Variants in PDK1 observed in about 807,000 individuals in gnomAD.
PDK1 encodes pyruvate dehydrogenase kinase 1, also known as [Pyruvate dehydrogenase (acetyl-transferring)] kinase isozyme 1, mitochondrial.
Under a neutral mutation model 54.2 loss-of-function variants are expected in PDK1, and 39 were observed. The observed-to-expected ratio is 0.72, with a 90% CI of 0.56 to 0.94. The LOEUF is 0.94. Ranked by LOEUF, PDK1 falls within the 40% of genes least tolerant of loss-of-function variation. The pLI is 0.00. For missense variants in PDK1, 552 were observed against 566.0 expected, an observed-to-expected ratio of 0.98 and a Z score of 0.25; for synonymous variants, 221 against 207.1, an observed-to-expected ratio of 1.07 and a Z score of -0.58.
chr2:172,674,496 T>A, the PDK1 span: 1 of 152,390 alleles, frequency 6.6e-6, no homozygotes, highest in Admixed American at 6.5e-5. Context: ...GTACTGGGAG[T>A]CTGGGTTGAA....
rs565626995 is a variant in PDK1 at position 172,596,041 on chromosome 2, A to G, written c.*72A>G. 3.2e-6 allele frequency: 4 copies of G among 1,254,954 alleles called. No individual in the cohort carries two copies. Among genetic ancestry groups the G allele is most frequent in the East Asian group, 2.5e-5 (1 of 39,466 alleles). The allele number at this position is 1,254,954 out of a possible 1,614,324, so 77.7% of individuals were successfully genotyped here. ...TTTGGAAGGTATGGTGTTCAGAACT[A>G]TATTATACCAAGTACTTTATTTATC... is the stretch of plus-strand genomic sequence containing the variant. On this transcript the variant is annotated 3_prime_UTR_variant, in exon 11 of 11. Coordinates refer to ENST00000282077, the MANE Select transcript of PDK1 (RefSeq NM_002610.5).
the PDK1 span, among the ~76,000 whole-genome samples, chr2:172,717,814 G>A: frequency 2.0e-5 from 3 of 152,336 alleles, no homozygotes; most frequent in Admixed American, 2.0e-4. Context: ...AGCTATGTGA[G>A]GGGCTTTTTT....
At chr2:172,627,071 G>T in the PDK1 span, among the ~76,000 whole-genome samples, 1 of 152,182 alleles carries the variant, frequency 6.6e-6, no homozygotes, top group Non-Finnish European at 1.5e-5. Flanking sequence ...CACTGCCATA[G>T]GAATTTTGTC....
the PDK1 span, among the ~76,000 whole-genome samples, chr2:172,649,678 C>A: frequency 6.6e-6 from 1 of 152,100 alleles, no homozygotes; most frequent in African/African-American, 2.4e-5. Context: ...GGCATGAGAA[C>A]TACGTGACGC....
rs1690908704 is a variant in PDK1 at position 172,596,611 on chromosome 2, C to T, written c.*642C>T. 1 of 152,168 alleles carries T rather than the reference C, an allele frequency of 6.6e-6. No individual in the cohort carries two copies. Among genetic ancestry groups the T allele is most frequent in the South Asian group, 2.1e-4 (1 of 4,826 alleles). 9.4% of individuals were successfully genotyped at this position (152,168 alleles called of 1,614,324 possible). A position where few individuals can be genotyped will look rare whatever the true frequency, so the allele number is the denominator to read the frequency against. On this transcript the variant is annotated 3_prime_UTR_variant, in exon 11 of 11. Transcript: ENST00000282077. ...ATGCCAAAATCATGGGCCATCTTTT[C>T]TAAGTGTACTTCTGATTAATGCAAG...
chr2:172,609,650 A>G (rs1691401024), downstream of PDK1, among the ~76,000 whole-genome samples: 1 of 152,230 alleles, frequency 6.6e-6, no homozygotes, highest in Admixed American at 6.5e-5. Context: ...TAAAACGGAC[A>G]TGCGTGTTTC....
chr2:172,684,415 C>T, the PDK1 span, among the ~76,000 whole-genome samples: 1 of 151,860 alleles, frequency 6.6e-6, no homozygotes, highest in South Asian at 2.1e-4. Context: ...GAGTGAGACC[C>T]CATCTCAAAA....
downstream of PDK1, among the ~76,000 whole-genome samples, chr2:172,613,075 TTAGAAATGAA>T (rs1691513015): frequency 6.6e-6 from 1 of 152,124 alleles, no homozygotes. Context: ...ACGAAACAAT[TTAGAAATGAA>T]TTGTGGAGGA....
At chr2:172,689,010 A>G in the PDK1 span, among the ~76,000 whole-genome samples, 3 of 152,308 alleles carry the variant, frequency 2.0e-5, no homozygotes, top group South Asian at 6.2e-4. Context: ...TATTTTGAAG[A>G]GTGACAGAAC....
At chr2:172,617,934 CCT>C in the PDK1 span, among the ~76,000 whole-genome samples, 1 of 152,122 alleles carries the variant, frequency 6.6e-6, no homozygotes, top group Non-Finnish European at 1.5e-5. Flanking sequence ...TCGGCAATAA[CCT>C]ATTCCTTTAC....
At chr2:172,689,242 A>AT in the PDK1 span, among the ~76,000 whole-genome samples, 17 of 152,038 alleles carry the variant, frequency 1.1e-4, no homozygotes, top group Non-Finnish European at 1.8e-4. Context: ...CGATTGGTGC[A>AT]TTTTTACAGA....
chr2:172,648,082 A>C, the PDK1 span, among the ~76,000 whole-genome samples: 1 of 152,246 alleles, frequency 6.6e-6, no homozygotes, highest in Non-Finnish European at 1.5e-5. Flanking sequence ...CATGGATTGA[A>C]GAAGACTAAG....
At chr2:172,613,228 T>G (rs1691517396), downstream of PDK1, among the ~76,000 whole-genome samples, 1 of 152,194 alleles carries the variant, frequency 6.6e-6, no homozygotes, top group Non-Finnish European at 1.5e-5. Flanking sequence ...CTGGCCCTGC[T>G]CAGTCATTGG....
At chr2:172,654,551 A>G in the PDK1 span, among the ~76,000 whole-genome samples, 3 of 147,080 alleles carry the variant, frequency 2.0e-5, no homozygotes, top group Non-Finnish European at 4.5e-5. Context: ...ATAGGTGGGA[A>G]TTGAACAATG....
chr2:172,685,706 G>A, the PDK1 span, among the ~76,000 whole-genome samples: 27,971 of 152,098 alleles, frequency 0.18, 3,003 homozygotes, highest in African/African-American at 0.29. Context: ...AAATGCACCC[G>A]ATACATGTTG....
chr2:172,607,447 C>T lies in PDK1; in HGVS notation c.*11478C>T, dbSNP rs1691333587. Reference sequence around the variant, plus strand: ...AACCAGCCAAGGATGATGGCTTCAACATGTCTCCAGTTGTTTTGCCACTCC... The same window carrying T: ...AACCAGCCAAGGATGATGGCTTCAATATGTCTCCAGTTGTTTTGCCACTCC... On this transcript the variant is annotated 3_prime_UTR_variant, in exon 11 of 11. Coordinates refer to ENST00000282077, the MANE Select transcript of PDK1 (RefSeq NM_002610.5). 6.6e-6 allele frequency: 1 copy of T among 152,202 alleles called. No individual in the cohort carries two copies. Among genetic ancestry groups the T allele is most frequent in the African/African-American group, 2.4e-5 (1 of 41,454 alleles). 9.4% of individuals were successfully genotyped at this position (152,202 alleles called of 1,614,324 possible). A position where few individuals can be genotyped will look rare whatever the true frequency, so the allele number is the denominator to read the frequency against.
intron 7 of PDK1, among the ~76,000 whole-genome samples, chr2:172,569,335 T>TA (rs1206568919): frequency 6.6e-6 from 1 of 152,236 alleles, no homozygotes. Flanking sequence ...TATATTGACT[T>TA]ACAGGGTTTC....
the PDK1 span, among the ~76,000 whole-genome samples, chr2:172,641,599 G>A: frequency 7.2e-5 from 11 of 151,950 alleles, no homozygotes; most frequent in East Asian, 3.9e-4. Flanking sequence ...CCGCCACCAC[G>A]CCCGGCTAAT....
chr2:172,663,368 T>G, the PDK1 span, among the ~76,000 whole-genome samples: 5 of 152,182 alleles, frequency 3.3e-5, no homozygotes, highest in Non-Finnish European at 4.4e-5. Flanking sequence ...CTTGAACATA[T>G]GAATTTTGCA....
Sources: allele counts gnomAD v4.1 joint callset (sites outside exome capture counted in the v4.1 genomes callset), GRCh38; gene constraint gnomAD v4.1.1; transcripts MANE v1.5; gene names NCBI Gene and HGNC (gene_info 2026-07-23, HGNC 2026-07-21).